The following FRMPD4 variants were observed in gnomAD, a reference collection of about 807,000 sequenced individuals.
FRMPD4 encodes the protein FERM and PDZ domain-containing protein 4.
A neutral mutation model predicts 94.1 loss-of-function variants in FRMPD4; 22 were observed. That is an observed-to-expected ratio of 0.23 (90% CI 0.17 to 0.33). The LOEUF (loss-of-function observed/expected upper bound fraction) is 0.33, where lower values mean the gene tolerates loss of function less well. Ranked by LOEUF, FRMPD4 falls within the 10% of genes least tolerant of loss-of-function variation. FRMPD4 has a pLI of 1.00. For missense variants in FRMPD4, 1,111 were observed against 1,339.9 expected (o/e 0.83, Z 2.67); for synonymous variants, 631 against 548.6 (o/e 1.15, Z -2.10).
intron 1 of FRMPD4, among the ~76,000 whole-genome samples, chrX:12,166,354 T>C (rs147693750): frequency 0.09 from 10,025 of 111,794 alleles, 401 homozygotes; most frequent in African/African-American, 0.13. Context: ...GGATTGTGTT[T>C]ATTGATTTTC....
intron 1 of FRMPD4, among the ~76,000 whole-genome samples, chrX:12,356,520 C>A (rs1338821146): frequency 2.7e-5 from 3 of 110,866 alleles, no homozygotes; most frequent in Admixed American, 9.6e-5. Context: ...AAGGGTGGAA[C>A]CCTTGTGATG....
At chrX:12,221,836 A>C (rs962493593) in intron 1 of FRMPD4, among the ~76,000 whole-genome samples, 2 of 111,916 alleles carry the variant, frequency 1.8e-5, no homozygotes, top group Non-Finnish European at 3.8e-5. Context: ...GGTAGAAATG[A>C]TATAATAGCG....
intron 2 of FRMPD4, among the ~76,000 whole-genome samples, chrX:12,594,343 A>G (rs1300843392): frequency 1.8e-5 from 2 of 112,180 alleles, no homozygotes; most frequent in African/African-American, 6.5e-5. Flanking sequence ...CATCTAATAC[A>G]TACAGGAAAC....
At chrX:11,908,899 G>C (rs1039665631) in intron 3 of FRMPD4, among the ~76,000 whole-genome samples, 10 of 111,684 alleles carry the variant, frequency 9.0e-5, no homozygotes, top group African/African-American at 3.3e-4. Context: ...TGCATTTCTA[G>C]AATAAACCCT....
At chrX:12,504,120 T>C (rs2057953541) in intron 2 of FRMPD4, among the ~76,000 whole-genome samples, 1 of 112,442 alleles carries the variant, frequency 8.9e-6, no homozygotes, top group African/African-American at 3.2e-5. Flanking sequence ...CACAAGTTGT[T>C]ATCTTTTGTC....
At chrX:11,840,901 C>T (rs1265731020) in intron 1 of FRMPD4, among the ~76,000 whole-genome samples, 2 of 84,503 alleles carry the variant, frequency 2.4e-5, no homozygotes, top group Non-Finnish European at 4.6e-5. Context: ...CCCCTCCCCC[C>T]ACCCTACAAC....
chrX:12,164,316 C>T (rs889569285), intron 1 of FRMPD4, among the ~76,000 whole-genome samples: 4 of 111,104 alleles, frequency 3.6e-5, no homozygotes, highest in Non-Finnish European at 7.5e-5. Flanking sequence ...TTTGTCCTTG[C>T]GATAGTTTGC....
intron 1 of FRMPD4, among the ~76,000 whole-genome samples, chrX:12,398,292 CAT>C: frequency 8.9e-6 from 1 of 112,007 alleles, no homozygotes; most frequent in Middle Eastern, 4.6e-3. Context: ...TAATTAAAAA[CAT>C]AGTTCTCGAA....
At chrX:12,604,989 A>G (rs1314341913) in intron 2 of FRMPD4, among the ~76,000 whole-genome samples, 1 of 112,392 alleles carries the variant, frequency 8.9e-6, no homozygotes, top group East Asian at 2.8e-4. Context: ...AGTTTTCACA[A>G]GTATCTTATG....
chrX:12,479,342 C>CTG (rs1383515258), intron 1 of FRMPD4, among the ~76,000 whole-genome samples: 1 of 22,241 alleles, frequency 4.5e-5, no homozygotes, highest in Non-Finnish European at 8.0e-5. Context: ...GAGCAACAGT[C>CTG]TGTATATATA....
At chrX:12,584,917 ATTTT>A (rs1445065718) in intron 2 of FRMPD4, among the ~76,000 whole-genome samples, 5 of 111,769 alleles carry the variant, frequency 4.5e-5, no homozygotes, top group Non-Finnish European at 7.5e-5. Flanking sequence ...CTCTATTTTT[ATTTT>A]TTTAATTTAA....
At chrX:12,181,229 A>T (rs191740376) in intron 1 of FRMPD4, among the ~76,000 whole-genome samples, 1 of 111,880 alleles carries the variant, frequency 8.9e-6, no homozygotes, top group Non-Finnish European at 1.9e-5. Flanking sequence ...AAGTATGTGA[A>T]GACCTGTCAT....
At chrX:12,427,897 CTTTTTTTTTTTT>C (rs139267482) in intron 1 of FRMPD4, among the ~76,000 whole-genome samples, 6 of 54,769 alleles carry the variant, frequency 1.1e-4, no homozygotes, top group Admixed American at 2.9e-4. Flanking sequence ...CCTTTTTTCT[CTTTTTTTTTTTT>C]TTTTTTTTTT....
chrX:12,125,556 T>G (rs968393559), intron 3 of FRMPD4, among the ~76,000 whole-genome samples: 2 of 110,862 alleles, frequency 1.8e-5, no homozygotes, highest in African/African-American at 6.6e-5. Context: ...CCCCCGGTCC[T>G]TATCTGGAGC....
Position 12,342,801 on chromosome X carries a change from G to A in FRMPD4, c.42-155879G>A, listed in dbSNP as rs756643703. On this transcript the variant is annotated intron_variant, in intron 1 of 16. Coordinates refer to ENST00000675598, the MANE Select transcript of FRMPD4 (RefSeq NM_001368397.1). ...CGGATCTTGATGTCTCACTAGCCAT[G>A]TGTCCATTTTATACATATCAATTCA... 5.3e-5 allele frequency among the ~76,000 whole-genome samples: 6 copies of A among 112,247 alleles called. No individual in the cohort carries two copies. In the South Asian group the frequency reaches 1.1e-3, roughly 21 times the overall value.
chrX:11,840,378 A>G (rs1360217052), intron 1 of FRMPD4, among the ~76,000 whole-genome samples: 1 of 111,618 alleles, frequency 9.0e-6, no homozygotes, highest in Non-Finnish European at 1.9e-5. Flanking sequence ...GATAGTACAT[A>G]GGAATACAAT....
At chrX:12,489,445 G>T (rs1387882900) in intron 1 of FRMPD4, among the ~76,000 whole-genome samples, 1 of 112,529 alleles carries the variant, frequency 8.9e-6, no homozygotes, top group Non-Finnish European at 1.9e-5. Flanking sequence ...GCTAAGCTTG[G>T]TGAGTAGCAG....
chrX:12,570,578 A>T (rs2148360511), intron 2 of FRMPD4, among the ~76,000 whole-genome samples: 1 of 112,045 alleles, frequency 8.9e-6, no homozygotes, highest in South Asian at 3.7e-4. Flanking sequence ...TGCTAGGACT[A>T]AAGGCATAAG....
At chrX:12,000,805 G>A (rs2054520749) in intron 3 of FRMPD4, among the ~76,000 whole-genome samples, 1 of 111,486 alleles carries the variant, frequency 9.0e-6, no homozygotes, top group Admixed American at 9.5e-5. Context: ...TACTCATTTG[G>A]GAGCTTTTTC....
Sources: gnomAD v4.1 joint callset for allele counts (sites outside exome capture counted in the v4.1 genomes callset) on GRCh38, gnomAD v4.1.1 for gene constraint, MANE v1.5 for transcripts, NCBI Gene and HGNC (gene_info 2026-07-23, HGNC 2026-07-21) for gene names.